Variants in CNTNAP4 observed in about 807,000 individuals in gnomAD.
The protein encoded by CNTNAP4 is contactin associated protein family member 4, also known as contactin-associated protein-like 4.
CNTNAP4 carries 98 observed loss-of-function variants against 148.4 expected under a neutral mutation model. The ratio of observed to expected loss-of-function variants is 0.66; its 90% CI spans 0.56 to 0.78. The LOEUF (loss-of-function observed/expected upper bound fraction) is 0.78, where lower values mean the gene tolerates loss of function less well. Ranked by LOEUF, CNTNAP4 falls within the 30% of genes least tolerant of loss-of-function variation. The probability of loss-of-function intolerance (pLI) is 0.00; values close to 1 mark genes in which losing one functional copy is unlikely to be tolerated. For missense variants in CNTNAP4, 1,935 were observed against 1,565.6 expected, an observed-to-expected ratio of 1.24 and a Z score of -3.98; for synonymous variants, 730 against 565.1, an observed-to-expected ratio of 1.29 and a Z score of -4.14.
chr16:76,354,106 C>A (rs913463201), intron 2 of CNTNAP4, among the ~76,000 whole-genome samples: 1 of 152,122 alleles, frequency 6.6e-6, no homozygotes, highest in Non-Finnish European at 1.5e-5. Flanking sequence ...TGCTAACATT[C>A]TTATTTGGGG....
intron 1 of CNTNAP4, among the ~76,000 whole-genome samples, chr16:76,310,852 C>G (rs1016195753): frequency 8.6e-5 from 13 of 151,616 alleles, no homozygotes; most frequent in African/African-American, 2.9e-4. Flanking sequence ...CAACAAAGTA[C>G]TGGTTCAGAA....
At chr16:76,442,189 A>G (rs1464316729) in intron 4 of CNTNAP4, among the ~76,000 whole-genome samples, 1 of 152,110 alleles carries the variant, frequency 6.6e-6, no homozygotes, top group Non-Finnish European at 1.5e-5. Flanking sequence ...AGATTTGAAG[A>G]TGCTGTGACA....
intron 1 of CNTNAP4, among the ~76,000 whole-genome samples, chr16:76,285,926 C>T (rs1162175603): frequency 6.6e-6 from 1 of 151,740 alleles, no homozygotes; most frequent in Non-Finnish European, 1.5e-5. Flanking sequence ...AAAGCAATTG[C>T]CTTTGCTATA....
intron 4 of CNTNAP4, among the ~76,000 whole-genome samples, chr16:76,446,021 C>T (rs750144985): frequency 1.1e-4 from 16 of 152,094 alleles, no homozygotes; most frequent in African/African-American, 3.6e-4. Context: ...ATTCTTTCTA[C>T]AGAATGCAGT....
chr16:76,379,292 A>G (rs984920901), intron 3 of CNTNAP4, among the ~76,000 whole-genome samples: 3 of 152,202 alleles, frequency 2.0e-5, no homozygotes, highest in Non-Finnish European at 4.4e-5. Flanking sequence ...CTGAAAGAGA[A>G]TGAGATTCAC....
chr16:76,303,469 C>T (rs1024819204), intron 1 of CNTNAP4, among the ~76,000 whole-genome samples: 2 of 152,136 alleles, frequency 1.3e-5, no homozygotes, highest in African/African-American at 4.8e-5. Context: ...CTCCAGGAAT[C>T]AAAGTCAAAA....
intron 15 of CNTNAP4, among the ~76,000 whole-genome samples, chr16:76,500,518 C>T (rs1488965009): frequency 6.6e-6 from 1 of 152,006 alleles, no homozygotes; most frequent in Non-Finnish European, 1.5e-5. Flanking sequence ...TGTGAATTTC[C>T]TACTGTTAGG....
At chr16:76,468,346 T>G (rs1330737427) in intron 10 of CNTNAP4, among the ~76,000 whole-genome samples, 2 of 151,946 alleles carry the variant, frequency 1.3e-5, no homozygotes, top group African/African-American at 2.4e-5. Context: ...TGGTGGCGGA[T>G]GCCTGTAATC....
rs554962840 is a variant in CNTNAP4, at chr16:76,471,832, G to A, written c.1656-4107G>A. Among the ~76,000 whole-genome samples the A allele has an allele frequency of 1.1e-4, 17 of 152,260 alleles. No individual in the cohort carries two copies. The South Asian group carries it at 2.9e-3, about 26-fold the overall frequency. ...ATTCTTGTCAATATCAAAGTTTTGC[G>A]GAAGAATGTAAGATTTGAATTGTGG... On this transcript the variant is annotated intron_variant, in intron 10 of 23. Transcript: ENST00000611870.
chr16:76,460,447 T>C (rs1414826406), intron 8 of CNTNAP4, among the ~76,000 whole-genome samples: 5 of 150,692 alleles, frequency 3.3e-5, no homozygotes, highest in African/African-American at 9.7e-5. Flanking sequence ...TTCTGTTCAG[T>C]CCCTTCCCAT....
At position 76,310,953 on chromosome 16, in the gene CNTNAP4, A is replaced by G. The variant is rs767400317; in HGVS notation, c.86-5460A>G. On this transcript the variant is annotated intron_variant, in intron 1 of 23. Transcript: ENST00000611870. ...CTTAGGTAAATTGTTTAATTTTCCTAATTTAATTATTTAATTCTTGTGCTC... is the reference window on the plus strand; with the variant it reads ...CTTAGGTAAATTGTTTAATTTTCCTGATTTAATTATTTAATTCTTGTGCTC... 2.8e-4 allele frequency among the ~76,000 whole-genome samples: 42 copies of G among 152,110 alleles called. 2 individuals are homozygous for G. The highest frequency in any genetic ancestry group is 8.8e-5 in the Non-Finnish European group (6 of 68,014).
At chr16:76,332,894 A>C (rs946971074) in intron 2 of CNTNAP4, among the ~76,000 whole-genome samples, 1 of 152,118 alleles carries the variant, frequency 6.6e-6, no homozygotes, top group South Asian at 2.1e-4. Flanking sequence ...CATAATGGAA[A>C]GTGGGAGCAG....
chr16:76,418,584 C>A (rs1184920601), intron 3 of CNTNAP4, among the ~76,000 whole-genome samples: 1 of 151,590 alleles, frequency 6.6e-6, no homozygotes, highest in Non-Finnish European at 1.5e-5. Flanking sequence ...TTACATTACC[C>A]ATCTGTTTTT....
intron 1 of CNTNAP4, among the ~76,000 whole-genome samples, chr16:76,288,749 T>C (rs1339856552): frequency 1.3e-5 from 2 of 152,176 alleles, no homozygotes; most frequent in East Asian, 1.9e-4. Flanking sequence ...ATTCAGTAAA[T>C]GGGAAAACAA....
chr16:76,318,772 C>CCTA (rs1962091855), intron 2 of CNTNAP4, among the ~76,000 whole-genome samples: 1 of 146,802 alleles, frequency 6.8e-6, no homozygotes, highest in East Asian at 2.0e-4. Flanking sequence ...TAATAATAAT[C>CCTA]ATAATCATAA....
intron 3 of CNTNAP4, among the ~76,000 whole-genome samples, chr16:76,420,499 A>G (rs1269901560): frequency 1.3e-5 from 2 of 151,948 alleles, no homozygotes; most frequent in South Asian, 2.1e-4. Flanking sequence ...TGGGAAGTTT[A>G]CCTTTAATCT....
chr16:76,528,856 G>A (rs2083853031), intron 17 of CNTNAP4, among the ~76,000 whole-genome samples: 1 of 152,200 alleles, frequency 6.6e-6, no homozygotes, highest in African/African-American at 2.4e-5. Flanking sequence ...TTTCAGAGAT[G>A]CAGCTAGCAT....
intron 4 of CNTNAP4, among the ~76,000 whole-genome samples, chr16:76,440,059 G>T (rs1188243330): frequency 6.6e-6 from 1 of 152,022 alleles, no homozygotes. Flanking sequence ...TAATTCATGG[G>T]CAATAACTTT....
chr16:76,467,164 T>C (rs1003269391), intron 9 of CNTNAP4, among the ~76,000 whole-genome samples, 188 bp from the exon 10 acceptor site: 4 of 152,136 alleles, frequency 2.6e-5, no homozygotes, highest in African/African-American at 9.7e-5. Flanking sequence ...GCTATGTAAA[T>C]AAAAAATTCT....
Sources: gnomAD v4.1 joint callset for allele counts (sites outside exome capture counted in the v4.1 genomes callset) on GRCh38, gnomAD v4.1.1 for gene constraint, MANE v1.5 for transcripts, NCBI Gene and HGNC (gene_info 2026-07-23, HGNC 2026-07-21) for gene names.